ROBO1: variants seen among roughly 807,000 people sequenced by gnomAD.
The protein encoded by ROBO1 is roundabout homolog 1.
Under a neutral mutation model 195.9 loss-of-function variants are expected in ROBO1, and 149 were observed. That is an observed-to-expected ratio of 0.76 (90% CI 0.67 to 0.87). ROBO1 has a LOEUF of 0.87. ROBO1 is among the 40% of genes least tolerant of loss of function. ROBO1 has a pLI of 0.00. For missense variants in ROBO1, 1,933 were observed against 2,068.3 expected (o/e 0.93, Z 1.27); for synonymous variants, 816 against 733.2 (o/e 1.11, Z -1.82).
chr3:78,948,336 C>T (rs199671445), intron 3 of ROBO1, among the ~76,000 whole-genome samples: 1 of 152,148 alleles, frequency 6.6e-6, no homozygotes, highest in Non-Finnish European at 1.5e-5. Flanking sequence ...GGGCTTCATC[C>T]CTGGGATGCA....
intron 1 of ROBO1, among the ~76,000 whole-genome samples, chr3:79,675,753 T>A (rs2106934293): frequency 6.6e-6 from 1 of 152,162 alleles, no homozygotes; most frequent in East Asian, 1.9e-4. Flanking sequence ...CCATAAAATA[T>A]TTACTAAATC....
chr3:78,872,518 T>G (rs1346895806), intron 4 of ROBO1, among the ~76,000 whole-genome samples: 1 of 152,236 alleles, frequency 6.6e-6, no homozygotes, highest in African/African-American at 2.4e-5. Flanking sequence ...GTTGATGACC[T>G]TCTGTTTGAT....
chr3:79,017,246 GT>G (rs571017364), intron 3 of ROBO1, among the ~76,000 whole-genome samples: 54 of 152,122 alleles, frequency 3.5e-4, no homozygotes, highest in Non-Finnish European at 4.6e-4. Context: ...GACGTATGTG[GT>G]TTTTTTCCCC....
chr3:79,344,721 G>GGA (rs138663051), intron 2 of ROBO1, among the ~76,000 whole-genome samples: 30 of 150,130 alleles, frequency 2.0e-4, no homozygotes, highest in Middle Eastern at 3.4e-3. Context: ...ATATATATAT[G>GGA]GAGAGAGAGA....
intron 2 of ROBO1, among the ~76,000 whole-genome samples, chr3:79,128,828 C>A (rs1056385464): frequency 2.0e-5 from 3 of 151,988 alleles, no homozygotes; most frequent in South Asian, 2.1e-4. Context: ...TTTAAAAAAT[C>A]TTTTTTCTAG....
At chr3:79,135,051 TAA>T (rs34852498) in intron 2 of ROBO1, among the ~76,000 whole-genome samples, 1,906 of 150,206 alleles carry the variant, frequency 0.013, 35 homozygotes, top group Non-Finnish European at 0.016. Context: ...AAAAAAACAT[TAA>T]AAAAAAAATT....
chr3:79,628,358 T>A (rs1324611083), intron 1 of ROBO1, among the ~76,000 whole-genome samples: 2 of 152,120 alleles, frequency 1.3e-5, no homozygotes, highest in African/African-American at 2.4e-5. Flanking sequence ...CTGGAAGCCA[T>A]AATCCTCAGC....
chr3:78,703,256 A>G (rs1433338085), intron 8 of ROBO1, among the ~76,000 whole-genome samples: 1 of 152,318 alleles, frequency 6.6e-6, no homozygotes, highest in African/African-American at 2.4e-5. Context: ...CTGGGTCTCA[A>G]TCAAATGAAA....
chr3:78,690,184 A>C (rs1040009416), intron 8 of ROBO1, among the ~76,000 whole-genome samples: 1 of 151,464 alleles, frequency 6.6e-6, no homozygotes, highest in Non-Finnish European at 1.5e-5. Flanking sequence ...TTAAAAAAAA[A>C]GTACATGTAA....
intron 4 of ROBO1, among the ~76,000 whole-genome samples, chr3:78,779,233 A>C (rs558552678): frequency 6.6e-6 from 1 of 152,338 alleles, no homozygotes; most frequent in South Asian, 2.1e-4. Context: ...AAGCAATGGC[A>C]ACAAAAGCCA....
chr3:78,717,808 T>C lies in ROBO1; in HGVS notation c.733A>G (p.Met245Val). The change falls in exon 6 of 31, where the codon ATG (methionine) becomes GTG (valine). Residue 245 changes from methionine to valine, a missense_variant. Met to Val is a conservative substitution (Grantham distance 21, BLOSUM62 1). Around this residue, in one of 3 missense-constraint regions of ROBO1, gnomAD observed 1,737 missense variants for 1,882.5 expected, o/e 0.92. Transcript: ENST00000464233. ...ACTTCACTCTCACGTTCCCCAACCA[T>C]ATTGGTACCAACACAAACATATTTG... is the stretch of plus-strand genomic sequence containing the variant. ...AGKYVCVGTN[M>V]VGERESEVAE... 1 of 1,613,756 alleles carries C rather than the reference T, an allele frequency of 6.2e-7. No homozygotes were observed. Among genetic ancestry groups the C allele is most frequent in the African/African-American group, 1.3e-5 (1 of 75,046 alleles).
At chr3:78,934,260 A>G (rs1183762261) in intron 4 of ROBO1, among the ~76,000 whole-genome samples, 1 of 152,024 alleles carries the variant, frequency 6.6e-6, no homozygotes, top group East Asian at 1.9e-4. Context: ...ATTTCATTTA[A>G]TCATGAATCA....
chr3:79,287,255 CCT>C (rs1253049380), intron 2 of ROBO1, among the ~76,000 whole-genome samples: 5 of 152,002 alleles, frequency 3.3e-5, no homozygotes, highest in Non-Finnish European at 7.4e-5. Context: ...ATGTATCTAT[CCT>C]CTGTCTTGTG....
chr3:78,993,022 T>C (rs1184424781), intron 3 of ROBO1, among the ~76,000 whole-genome samples: 1 of 152,130 alleles, frequency 6.6e-6, no homozygotes. Flanking sequence ...TCTAAGTATT[T>C]CACAACACTG....
intron 2 of ROBO1, among the ~76,000 whole-genome samples, chr3:79,210,719 C>G (rs2081953562): frequency 6.6e-6 from 1 of 151,910 alleles, no homozygotes; most frequent in East Asian, 1.9e-4. Context: ...TTTTTGAAGA[C>G]CTAGTATCTG....
chr3:79,059,443 C>G lies in ROBO1; in HGVS notation c.172+66013G>C, dbSNP rs183903718. ...TACTGTGTGGGACCAGTCAAAGAAT[C>G]CTGCATCAAAATCAAGAGAATGAAC... On this transcript the variant is annotated intron_variant, in intron 3 of 30. Transcript: ENST00000464233. 1.1e-4 allele frequency among the ~76,000 whole-genome samples: 17 copies of G among 152,070 alleles called. No individual in the cohort carries two copies. The Middle Eastern group carries it at 0.01, about 91-fold the overall frequency.
In ROBO1 at chr3:79,345,759, C is replaced by T. The variant is rs149249474; in HGVS notation, c.89-220220G>A. Reference sequence around the variant, plus strand: ...GGTACTCTCTCCTTACCCTGCCATACATTCCAGGGTAATGAACAATTTTGC... The same window carrying T: ...GGTACTCTCTCCTTACCCTGCCATATATTCCAGGGTAATGAACAATTTTGC... On this transcript the variant is annotated intron_variant, in intron 2 of 30. Coordinates refer to ENST00000464233, the MANE Select transcript of ROBO1 (RefSeq NM_002941.4). Among the ~76,000 whole-genome samples the T allele has an allele frequency of 1.2e-3, 189 of 152,240 alleles. 1 individual carries two copies. Among genetic ancestry groups the T allele is most frequent in the African/African-American group, 3.3e-3 (138 of 41,546 alleles).
intron 2 of ROBO1, among the ~76,000 whole-genome samples, chr3:79,148,209 A>G (rs2080693724): frequency 6.6e-6 from 1 of 151,944 alleles, no homozygotes; most frequent in Non-Finnish European, 1.5e-5. Context: ...AAATGGAAGC[A>G]CAATAGGAAC....
chr3:79,571,825 A>G (rs911334764), intron 2 of ROBO1, among the ~76,000 whole-genome samples: 1 of 152,136 alleles, frequency 6.6e-6, no homozygotes, highest in Admixed American at 6.5e-5. Context: ...ACAGCACTAT[A>G]GTATCTACAG....
Sources: gnomAD v4.1 joint callset for allele counts (sites outside exome capture counted in the v4.1 genomes callset) on GRCh38, gnomAD v4.1.1 for gene constraint, gnomAD v4.1.1 regional missense constraint, MANE v1.5 for transcripts, NCBI Gene and HGNC (gene_info 2026-07-23, HGNC 2026-07-21) for gene names.